Variants in PRR5L observed in about 807,000 individuals in gnomAD.
PRR5L encodes the protein proline-rich protein 5-like.
PRR5L carries 21 observed loss-of-function variants against 36.4 expected under a neutral mutation model. The ratio of observed to expected loss-of-function variants is 0.58; its 90% confidence interval spans 0.41 to 0.83. The LOEUF (loss-of-function observed/expected upper bound fraction) is 0.83, where lower values mean the gene tolerates loss of function less well. PRR5L is among the 40% of genes least tolerant of loss of function. The pLI, the probability that PRR5L is intolerant of heterozygous loss-of-function variation, is 0.00. For missense variants in PRR5L, 381 were observed against 473.3 expected, an observed-to-expected ratio of 0.80 and a Z score of 1.81; for synonymous variants, 188 against 197.0, an observed-to-expected ratio of 0.95 and a Z score of 0.38.
chr11:36,460,770 C>T (rs1021388751), intron 8 of PRR5L, among the ~76,000 whole-genome samples: 12 of 152,236 alleles, frequency 7.9e-5, no homozygotes, highest in African/African-American at 1.2e-4. Context: ...ACTGCGTCCC[C>T]GCAGCTGTGC....
chr11:36,369,764 G>A (rs1379933427), intron 1 of PRR5L, among the ~76,000 whole-genome samples: 2 of 151,910 alleles, frequency 1.3e-5, no homozygotes, highest in Non-Finnish European at 2.9e-5. Flanking sequence ...CTGGCTAATT[G>A]TTTTGTATTT....
In PRR5L at chr11:36,462,461, G is replaced by A; in HGVS notation, c.832G>A (p.Glu278Lys). 6.2e-7 allele frequency: 1 copy of A among 1,608,140 alleles called. No homozygotes were observed. The highest frequency in any genetic ancestry group is 8.5e-7 in the Non-Finnish European group (1 of 1,176,844). ...VLTPLTEQEGEAYLEKCGSVR... is the reference protein window; with the variant it reads ...VLTPLTEQEGKAYLEKCGSVR... ...GACCCCACTGACAGAGCAGGAGGGG[G>A]AAGCCTACCTGGAGAAGTGTGGCAG... Residue 278 changes from glutamate (E) to lysine (K), a missense_variant, in exon 9 of 9, where the codon GAA becomes AAA. Glu to Lys is a moderately conservative substitution (Grantham distance 56). Transcript: ENST00000530639.
chr11:36,310,003 C>CATGCTCACTACCACCAACAGTAAAAG (rs1249372067), intron 1 of PRR5L, among the ~76,000 whole-genome samples: 1 of 60,756 alleles, frequency 1.6e-5, no homozygotes, highest in African/African-American at 5.0e-5. Context: ...CCACCACCAT[C>CATGCTCACTACCACCAACAGTAAAAG]ACTATTAGAG....
chr11:36,424,177 T>C (rs888580575), intron 4 of PRR5L, among the ~76,000 whole-genome samples: 10 of 152,228 alleles, frequency 6.6e-5, no homozygotes, highest in Admixed American at 5.9e-4. Context: ...GTGGCAAATC[T>C]TTATCCTCAT....
intron 1 of PRR5L, among the ~76,000 whole-genome samples, chr11:36,346,877 A>C (rs773208208): frequency 1.3e-5 from 2 of 152,216 alleles, no homozygotes. Flanking sequence ...TTTGTGGGCC[A>C]TACAGTTTTT....
intron 4 of PRR5L, among the ~76,000 whole-genome samples, chr11:36,427,523 A>G (rs1426533532): frequency 2.6e-5 from 4 of 152,198 alleles, no homozygotes; most frequent in Non-Finnish European, 4.4e-5. Flanking sequence ...TTCTGGAGTC[A>G]GGCATTGGTC....
At chr11:36,339,975 TCTC>T (rs1419578223) in intron 1 of PRR5L, among the ~76,000 whole-genome samples, 1 of 152,150 alleles carries the variant, frequency 6.6e-6, no homozygotes, top group Non-Finnish European at 1.5e-5. Flanking sequence ...CCCAACTTCT[TCTC>T]TGAGCTCTCA....
chr11:36,349,626 C>A (rs1856906968), intron 1 of PRR5L, among the ~76,000 whole-genome samples: 1 of 152,334 alleles, frequency 6.6e-6, no homozygotes, highest in Admixed American at 6.5e-5. Context: ...CTACCCCAGC[C>A]TCTCACAGTG....
chr11:36,335,431 G>A (rs1856759968), intron 1 of PRR5L, among the ~76,000 whole-genome samples: 1 of 152,146 alleles, frequency 6.6e-6, no homozygotes, highest in South Asian at 2.1e-4. Context: ...TGGTGTTTGG[G>A]GGGTAATGTG....
At chr11:36,311,526 G>A (rs891488687) in intron 1 of PRR5L, among the ~76,000 whole-genome samples, 10 of 152,162 alleles carry the variant, frequency 6.6e-5, no homozygotes, top group African/African-American at 2.2e-4. Flanking sequence ...TAAAAAAATT[G>A]GAGAGGTTTA....
intron 2 of PRR5L, among the ~76,000 whole-genome samples, chr11:36,402,752 G>T (rs1857823966): frequency 6.6e-6 from 1 of 152,214 alleles, no homozygotes; most frequent in South Asian, 2.1e-4. Flanking sequence ...CCCTGATATG[G>T]CCTCTCAAGG....
At chr11:36,337,865 A>C (rs1856783613) in intron 1 of PRR5L, among the ~76,000 whole-genome samples, 1 of 152,240 alleles carries the variant, frequency 6.6e-6, no homozygotes, top group Admixed American at 6.5e-5. Flanking sequence ...ATCACAAAGA[A>C]GTTTCTTTAA....
At chr11:36,400,270 T>C (rs1462072833) in intron 1 of PRR5L, among the ~76,000 whole-genome samples, 1 of 152,222 alleles carries the variant, frequency 6.6e-6, no homozygotes, top group Non-Finnish European at 1.5e-5. Flanking sequence ...TCTGGAGCCA[T>C]CTTATATCTC....
intron 8 of PRR5L, among the ~76,000 whole-genome samples, chr11:36,460,765 G>A (rs572615560): frequency 3.9e-5 from 6 of 152,198 alleles, no homozygotes; most frequent in East Asian, 1.9e-4. Context: ...TGTTAACTGC[G>A]TCCCCGCAGC....
intron 1 of PRR5L, among the ~76,000 whole-genome samples, chr11:36,338,035 A>G (rs1856784966): frequency 6.6e-6 from 1 of 152,182 alleles, no homozygotes; most frequent in Non-Finnish European, 1.5e-5. Flanking sequence ...TGTGCATAGG[A>G]CTTTCCTTTA....
At chr11:36,329,072 G>T (rs971871969) in intron 1 of PRR5L, 2 of 152,308 alleles carry the variant, frequency 1.3e-5, no homozygotes, top group East Asian at 3.9e-4. Flanking sequence ...AAAGATTAAT[G>T]GTTGAAGCAG....
intron 1 of PRR5L, among the ~76,000 whole-genome samples, chr11:36,328,945 G>A (rs80350722): frequency 2.6e-5 from 4 of 152,082 alleles, no homozygotes; most frequent in African/African-American, 9.7e-5. Flanking sequence ...CCTGGGAAAG[G>A]TTACACGTTT....
intron 3 of PRR5L, among the ~76,000 whole-genome samples, chr11:36,415,891 G>A (rs746466525): frequency 2.6e-5 from 4 of 152,226 alleles, no homozygotes; most frequent in Non-Finnish European, 4.4e-5. Context: ...CAAGTTATAA[G>A]AGTGGAATTG....
At chr11:36,408,234 C>T (rs992991563) in intron 3 of PRR5L, among the ~76,000 whole-genome samples, 1 of 151,448 alleles carries the variant, frequency 6.6e-6, no homozygotes, top group East Asian at 1.9e-4. Context: ...GAGCCAAGAT[C>T]GTGCCACACT....
Sources: gnomAD v4.1 joint callset for allele counts (sites outside exome capture counted in the v4.1 genomes callset) on GRCh38, gnomAD v4.1.1 for gene constraint, MANE v1.5 for transcripts, NCBI Gene and HGNC (gene_info 2026-07-23, HGNC 2026-07-21) for gene names.